SYCP2: variants seen among roughly 807,000 people sequenced by gnomAD.
SYCP2 encodes synaptonemal complex lateral element protein.
A neutral mutation model predicts 211.3 loss-of-function variants in SYCP2; 55 were observed. The ratio of observed to expected loss-of-function variants is 0.26; its 90% confidence interval spans 0.21 to 0.33. SYCP2 has a LOEUF of 0.33. Ranked by LOEUF, SYCP2 falls within the 10% of genes least tolerant of loss-of-function variation. The pLI is 1.00. For missense variants in SYCP2, 1,731 were observed against 1,752.0 expected (o/e 0.99, Z 0.21); for synonymous variants, 570 against 555.2 (o/e 1.03, Z -0.37).
At position 59,907,538 on chromosome 20, in the gene SYCP2, T is replaced by C. The variant is rs2060235707; in HGVS notation, c.973-114A>G. The stretch of plus-strand genomic sequence containing the variant: ...TGAATTCTTTTTGCTAGTCACTAAG[T>C]AACTAGTTTATATAACACCTTTCTT... On this transcript the variant is annotated intron_variant, in intron 14 of 44. Coordinates refer to ENST00000357552, the MANE Select transcript of SYCP2 (RefSeq NM_014258.4). The C allele has an allele frequency of 9.3e-6, 7 of 755,894 alleles. No individual in the cohort carries two copies. In the Admixed American group the frequency reaches 1.8e-4, roughly 19 times the overall value. The allele number at this position is 755,894 out of a possible 1,614,324, so 46.8% of individuals were successfully genotyped here.
chr20:59,919,305 C>T, intron 6 of SYCP2, 123 bp from the exon 7 acceptor site: 1 of 674,434 alleles, frequency 1.5e-6, no homozygotes, highest in Non-Finnish European at 2.5e-6. Context: ...AGCATAATTA[C>T]TTTTTATTAA....
Position 59,864,251 on chromosome 20 carries a change from T to C in SYCP2, c.*60A>G, listed in dbSNP as rs2059285626. On this transcript the variant is annotated 3_prime_UTR_variant, in exon 45 of 45. Coordinates refer to ENST00000357552, the MANE Select transcript of SYCP2 (RefSeq NM_014258.4). ...TTTTCTCTTTGTAGGACTATTCTTATTTCCTCAGTTATATACAGAGAATAA... is the reference window on the plus strand; with the variant it reads ...TTTTCTCTTTGTAGGACTATTCTTACTTCCTCAGTTATATACAGAGAATAA... The C allele has an allele frequency of 8.3e-6, 10 of 1,210,146 alleles. No homozygotes were observed. The highest frequency in any genetic ancestry group is 1.2e-5 in the Non-Finnish European group (10 of 851,102). 75.0% of individuals were successfully genotyped at this position (1,210,146 alleles called of 1,614,324 possible).
At chr20:59,924,581 T>C (rs1320225329) in intron 2 of SYCP2, among the ~76,000 whole-genome samples, 2 of 151,942 alleles carry the variant, frequency 1.3e-5, no homozygotes, top group African/African-American at 4.8e-5. Flanking sequence ...ACATACTCCA[T>C]TGACACCTAC....
At chr20:59,872,732 T>A (rs1165929153) in intron 35 of SYCP2, among the ~76,000 whole-genome samples, 1 of 151,986 alleles carries the variant, frequency 6.6e-6, no homozygotes, top group African/African-American at 2.4e-5. Flanking sequence ...TAAGAGATAC[T>A]ACTAATTGTT....
chr20:59,878,100 AATTT>A (rs1419838474), intron 31 of SYCP2, 55 bp from the exon 32 acceptor site: 2 of 1,111,884 alleles, frequency 1.8e-6, no homozygotes, highest in African/African-American at 1.6e-5. Flanking sequence ...ATAGGCATTA[AATTT>A]ATTAGAACAT....
rs532621720 is a variant in SYCP2 at position 59,886,941 on chromosome 20, G to A, written c.2365-107C>T. On this transcript the variant is annotated intron_variant, in intron 24 of 44. Coordinates refer to ENST00000357552, the MANE Select transcript of SYCP2 (RefSeq NM_014258.4). ...TAAATCTGGTTCTATTTATACCTGC[G>A]GAGAGAAATAAAGAGAGTCAACTGT... 77 of 811,506 alleles carry A rather than the reference G, an allele frequency of 9.5e-5. No homozygotes were observed. In the African/African-American group the frequency reaches 1.1e-3, roughly 12 times the overall value. The allele number at this position is 811,506 out of a possible 1,614,324, so 50.3% of individuals were successfully genotyped here.
chr20:59,863,847 A>G lies in SYCP2; in HGVS notation c.*464T>C, dbSNP rs1233231896. The G allele has an allele frequency of 6.6e-6, 1 of 152,080 alleles. No individual in the cohort carries two copies. The highest frequency in any genetic ancestry group is 2.4e-5 in the African/African-American group (1 of 41,406). 9.4% of individuals were successfully genotyped at this position (152,080 alleles called of 1,614,324 possible). A position where few individuals can be genotyped will look rare whatever the true frequency, so the allele number is the denominator to read the frequency against. On this transcript the variant is annotated 3_prime_UTR_variant, in exon 45 of 45. Transcript: ENST00000357552. ...AGTGTGCTGAAAGTACTGATCTACCACTCAGTTATACATTTTAAACTAGGG... is the reference window on the plus strand; with the variant it reads ...AGTGTGCTGAAAGTACTGATCTACCGCTCAGTTATACATTTTAAACTAGGG...
rs775583132 is a variant in SYCP2 at position 59,882,177 on chromosome 20, G to A, written c.2530-12C>T. ...TTCTGAACTTTTTCCTGAAAAGAGG[G>A]TTATAAAAAAATCATTAAATGGCTA... On this transcript the variant is annotated splice_polypyrimidine_tract_variant and intron_variant, in intron 26 of 44. Coordinates refer to ENST00000357552, the MANE Select transcript of SYCP2 (RefSeq NM_014258.4). 4.4e-6 allele frequency: 7 copies of A among 1,597,254 alleles called. No individual in the cohort carries two copies. The highest frequency in any genetic ancestry group is 2.2e-5 in the South Asian group (2 of 89,892).
At chr20:59,867,452 A>G (rs532504106) in intron 39 of SYCP2, among the ~76,000 whole-genome samples, 3 of 148,672 alleles carry the variant, frequency 2.0e-5, no homozygotes, top group Non-Finnish European at 4.5e-5. Flanking sequence ...AAAACTGTCC[A>G]GTAAAAAAAA....
At chr20:59,875,178 C>A in intron 34 of SYCP2, 93 bp downstream of exon 34, 2 of 793,970 alleles carry the variant, frequency 2.5e-6, no homozygotes, top group Admixed American at 3.1e-5. Context: ...ATAAATACCC[C>A]TCAAAATTAG....
At chr20:59,894,697 G>A (rs1264184463) in intron 20 of SYCP2, among the ~76,000 whole-genome samples, 1 of 151,936 alleles carries the variant, frequency 6.6e-6, no homozygotes, top group South Asian at 2.1e-4. Context: ...CCTGAACCCT[G>A]TACTTCAACA....
intron 24 of SYCP2, among the ~76,000 whole-genome samples, chr20:59,887,623 A>T (rs1418598236): frequency 6.6e-6 from 1 of 152,058 alleles, no homozygotes; most frequent in Non-Finnish European, 1.5e-5. Context: ...AACAGTGTAA[A>T]AGTGTTCCTA....
chr20:59,875,504 G>A (rs1479370546), intron 33 of SYCP2, 35 bp from the exon 34 acceptor site: 1 of 1,508,246 alleles, frequency 6.6e-7, no homozygotes, highest in Non-Finnish European at 9.1e-7. Flanking sequence ...TTATACTCAA[G>A]TACAAATATT....
Position 59,919,535 on chromosome 20 carries a change from T to TTCA in SYCP2, c.357_359dup (p.Asp119dup), listed in dbSNP as rs1568980830. On this transcript the variant is annotated inframe_insertion, in exon 6 of 45. Coordinates refer to ENST00000357552, the MANE Select transcript of SYCP2 (RefSeq NM_014258.4). Reference sequence around the variant, plus strand: ...AGTCTTCTATCATATTTAGAACAGCTTCATCTTTTGAATTTCCTTGACTCT... The same window carrying TTCA: ...AGTCTTCTATCATATTTAGAACAGCTTCATCATCTTTTGAATTTCCTTGACTCT... 6.2e-7 allele frequency: 1 copy of TTCA among 1,610,218 alleles called. No individual in the cohort carries two copies. Among genetic ancestry groups the TTCA allele is most frequent in the South Asian group, 1.1e-5 (1 of 90,714 alleles).
At chr20:59,906,214 T>C (rs934241186) in intron 15 of SYCP2, among the ~76,000 whole-genome samples, 2 of 152,122 alleles carry the variant, frequency 1.3e-5, no homozygotes, top group East Asian at 3.9e-4. Context: ...AAAATTTATA[T>C]AGAAGCTCAA....
intron 16 of SYCP2, 140 bp from the exon 17 acceptor site, chr20:59,900,958 T>C (rs2060104705): frequency 3.1e-6 from 2 of 652,688 alleles, no homozygotes; most frequent in East Asian, 2.7e-5. Flanking sequence ...TTACTTTGCA[T>C]ATATGAATAC....
intron 38 of SYCP2, among the ~76,000 whole-genome samples, 155 bp from the exon 39 acceptor site, chr20:59,868,002 T>G (rs1273786091): frequency 6.6e-6 from 1 of 151,872 alleles, no homozygotes; most frequent in Admixed American, 6.6e-5. Context: ...TATGTTTTTT[T>G]TAATTTAAAA....
intron 24 of SYCP2, among the ~76,000 whole-genome samples, chr20:59,889,517 C>G (rs2059862318): frequency 6.6e-6 from 1 of 151,842 alleles, no homozygotes; most frequent in South Asian, 2.1e-4. Flanking sequence ...ATTTACTTTT[C>G]TCTGGTTATC....
chr20:59,907,229 T>C (rs1052398910), intron 15 of SYCP2, 135 bp downstream of exon 15: 1 of 638,614 alleles, frequency 1.6e-6, no homozygotes, highest in Non-Finnish European at 2.8e-6. Flanking sequence ...AGGTGTTTGA[T>C]GAATTTCTGA....
Sources: allele counts gnomAD v4.1 joint callset (sites outside exome capture counted in the v4.1 genomes callset), GRCh38; gene constraint gnomAD v4.1.1; transcripts MANE v1.5; gene names NCBI Gene and HGNC (gene_info 2026-07-23, HGNC 2026-07-21).